Variants in SH3KBP1 observed in about 807,000 individuals in gnomAD.
The protein encoded by SH3KBP1 is SH3 domain containing kinase binding protein 1.
Under a neutral mutation model 50.1 loss-of-function variants are expected in SH3KBP1, and 8 were observed. The ratio of observed to expected loss-of-function variants is 0.16; its 90% CI spans 0.09 to 0.29. The LOEUF (loss-of-function observed/expected upper bound fraction) is 0.29, where lower values mean the gene tolerates loss of function less well. SH3KBP1 is among the 10% of genes least tolerant of loss of function. The probability of loss-of-function intolerance (pLI) is 1.00; values close to 1 mark genes in which losing one functional copy is unlikely to be tolerated. For synonymous variants in SH3KBP1, 227 were observed against 218.6 expected (o/e 1.04, Z -0.34); for missense variants, 377 against 535.2 (o/e 0.70, Z 2.92).
chrX:19,613,269 C>A (rs2148147658), intron 8 of SH3KBP1, among the ~76,000 whole-genome samples: 1 of 112,256 alleles, frequency 8.9e-6, no homozygotes, highest in East Asian at 2.8e-4. Flanking sequence ...CACCAGGACC[C>A]CAGGCATAAC....
In SH3KBP1 at chrX:19,868,889, G is replaced by A. The variant is rs758088141; in HGVS notation, c.4+18418C>T. Among the ~76,000 whole-genome samples, 56 of 109,306 alleles carry A rather than the reference G, an allele frequency of 5.1e-4. No homozygotes were observed. The Middle Eastern group carries it at 0.02, about 38-fold the overall frequency. 94.9% of individuals were successfully genotyped at this position (109,306 alleles called of 115,157 possible). ...AAGTATGTCCATGCCCTAATTCCCCGAACCTGTGAATATGCCACCTAAAGT... is the reference window on the plus strand; with the variant it reads ...AAGTATGTCCATGCCCTAATTCCCCAAACCTGTGAATATGCCACCTAAAGT... On this transcript the variant is annotated intron_variant, in intron 1 of 17. Coordinates refer to ENST00000397821, the MANE Select transcript of SH3KBP1 (RefSeq NM_031892.3).
intron 2 of SH3KBP1, among the ~76,000 whole-genome samples, chrX:19,811,186 T>C (rs2067195759): frequency 1.8e-5 from 2 of 110,657 alleles, no homozygotes; most frequent in African/African-American, 6.7e-5. Flanking sequence ...GATTGAATTG[T>C]GGAAGCAAGA....
intron 13 of SH3KBP1, among the ~76,000 whole-genome samples, chrX:19,562,647 C>G (rs1378437052): frequency 9.0e-6 from 1 of 111,267 alleles, no homozygotes; most frequent in East Asian, 2.8e-4. Flanking sequence ...GAATGATGAA[C>G]GAGAGCGCTG....
chrX:19,645,621 T>C, intron 6 of SH3KBP1, 146 bp from the exon 7 acceptor site: 1 of 447,153 alleles, frequency 2.2e-6, no homozygotes, highest in Non-Finnish European at 3.9e-6. Context: ...GTATACTGGC[T>C]GCCCCCCTTT....
At chrX:19,715,054 A>C (rs2063872914) in intron 3 of SH3KBP1, among the ~76,000 whole-genome samples, 1 of 111,449 alleles carries the variant, frequency 9.0e-6, no homozygotes, top group Non-Finnish European at 1.9e-5. Context: ...CAGGAAGATC[A>C]CTTGAGCCCA....
At chrX:19,632,310 T>C (rs760759891) in intron 7 of SH3KBP1, among the ~76,000 whole-genome samples, 68 of 112,151 alleles carry the variant, frequency 6.1e-4, no homozygotes, top group Non-Finnish European at 6.0e-4. Flanking sequence ...ACATATATAG[T>C]CTACAGAGGG....
At chrX:19,541,436 G>A (rs750704076) in intron 16 of SH3KBP1, among the ~76,000 whole-genome samples, 50 of 111,613 alleles carry the variant, frequency 4.5e-4, no homozygotes, top group Non-Finnish European at 7.3e-4. Flanking sequence ...CTTACTGAGT[G>A]TAAAATCTTG....
intron 2 of SH3KBP1, among the ~76,000 whole-genome samples, chrX:19,811,557 C>CTTCATCAA (rs1456171793): frequency 8.9e-6 from 1 of 112,323 alleles, no homozygotes; most frequent in African/African-American, 3.2e-5. Flanking sequence ...CATGTTAATA[C>CTTCATCAA]TTCATCAATT....
chrX:19,808,855 C>T (rs758517675), intron 2 of SH3KBP1, among the ~76,000 whole-genome samples: 1 of 111,573 alleles, frequency 9.0e-6, no homozygotes, highest in Admixed American at 9.5e-5. Context: ...TTCTTGGAAG[C>T]GTGGGAGGGA....
In SH3KBP1 at chrX:19,560,881, G is replaced by C. The variant is rs746792843; in HGVS notation, c.1384+8222C>G. The stretch of plus-strand genomic sequence containing the variant: ...GCTTGAGCCTAGCAGTTTGTGACCA[G>C]CCTGTGCAACACAGTGAGATGCATT... On this transcript the variant is annotated intron_variant, in intron 13 of 17. Transcript: ENST00000397821. Among the ~76,000 whole-genome samples the C allele has an allele frequency of 6.4e-5, 7 of 109,457 alleles. No homozygotes were observed. In the South Asian group the frequency reaches 2.8e-3, roughly 43 times the overall value.
chrX:19,765,705 AAAC>A (rs773214337), intron 2 of SH3KBP1, among the ~76,000 whole-genome samples: 173 of 111,535 alleles, frequency 1.6e-3, no homozygotes, highest in South Asian at 3.0e-3. Flanking sequence ...TGTACCCATT[AAAC>A]AACTCCTTTC....
At chrX:19,655,008 C>T (rs1238462934) in intron 6 of SH3KBP1, among the ~76,000 whole-genome samples, 1 of 111,874 alleles carries the variant, frequency 8.9e-6, no homozygotes, top group Middle Eastern at 4.2e-3. Flanking sequence ...GCACCTCCTC[C>T]CCCAATATAT....
At chrX:19,696,652 G>A (rs977976896) in intron 4 of SH3KBP1, among the ~76,000 whole-genome samples, 5 of 111,377 alleles carry the variant, frequency 4.5e-5, no homozygotes, top group Non-Finnish European at 7.5e-5. Flanking sequence ...TGACAGAAGC[G>A]TAAAAAAATT....
intron 3 of SH3KBP1, among the ~76,000 whole-genome samples, chrX:19,741,453 G>T (rs7885934): frequency 0.029 from 3,304 of 112,565 alleles, 98 homozygotes; most frequent in African/African-American, 0.092. Context: ...AGATGCCAAA[G>T]TAGCAGAGCG....
chrX:19,878,472 T>TTGTGTGTGTGTGTGTG (rs56786885), intron 1 of SH3KBP1, among the ~76,000 whole-genome samples: 18 of 73,046 alleles, frequency 2.5e-4, no homozygotes, highest in African/African-American at 1.1e-3. Flanking sequence ...CCTGGCTAAT[T>TTGTGTGTGTGTGTGTG]TGTGTGTGTG....
intron 12 of SH3KBP1, among the ~76,000 whole-genome samples, chrX:19,578,655 A>G (rs1055878553): frequency 8.9e-6 from 1 of 111,952 alleles, no homozygotes; most frequent in African/African-American, 3.2e-5. Context: ...GTAAGTGAGC[A>G]TCCGTGTGCA....
chrX:19,776,266 GGC>G (rs2065969412), intron 2 of SH3KBP1, among the ~76,000 whole-genome samples: 1 of 111,128 alleles, frequency 9.0e-6, no homozygotes, highest in Non-Finnish European at 1.9e-5. Context: ...AATGTTTTAT[GGC>G]CTGAGATTCT....
Position 19,541,400 on chromosome X carries a change from C to G in SH3KBP1, c.1892+525G>C, listed in dbSNP as rs1284193619. Among the ~76,000 whole-genome samples, 4 of 111,869 alleles carry G rather than the reference C, an allele frequency of 3.6e-5. No individual in the cohort carries two copies. In the East Asian group the frequency reaches 1.1e-3, roughly 31 times the overall value. On this transcript the variant is annotated intron_variant, in intron 16 of 17. Coordinates refer to ENST00000397821, the MANE Select transcript of SH3KBP1 (RefSeq NM_031892.3). ...AAAGACCCCCACTGCCCCGCCCCGCCCACTGCAGTCTCATGGTGAGAACAT... is the reference window on the plus strand; with the variant it reads ...AAAGACCCCCACTGCCCCGCCCCGCGCACTGCAGTCTCATGGTGAGAACAT...
intron 1 of SH3KBP1, among the ~76,000 whole-genome samples, chrX:19,873,651 G>A (rs2069139283): frequency 9.7e-6 from 1 of 103,327 alleles, no homozygotes; most frequent in Non-Finnish European, 2.0e-5. Flanking sequence ...CAGCCTGGGG[G>A]ATAGAGCAAG....
Sources: allele counts gnomAD v4.1 joint callset (sites outside exome capture counted in the v4.1 genomes callset), GRCh38; gene constraint gnomAD v4.1.1; transcripts MANE v1.5; gene names NCBI Gene and HGNC (gene_info 2026-07-23, HGNC 2026-07-21).